Variants in COG5 observed in about 807,000 individuals in gnomAD.
COG5 encodes conserved oligomeric Golgi complex subunit 5.
COG5 carries 86 observed loss-of-function variants against 110.4 expected under a neutral mutation model. The observed-to-expected ratio is 0.78, with a 90% CI of 0.65 to 0.93. The LOEUF is 0.93. COG5 is among the 40% of genes least tolerant of loss of function. The pLI, the probability that COG5 is intolerant of heterozygous loss-of-function variation, is 0.00. For synonymous variants in COG5, 360 were observed against 334.6 expected (o/e 1.08, Z -0.83); for missense variants, 1,077 against 987.0 (o/e 1.09, Z -1.22).
intron 6 of COG5, among the ~76,000 whole-genome samples, chr7:107,524,029 A>G (rs540258854): frequency 6.6e-6 from 1 of 152,324 alleles, no homozygotes; most frequent in Non-Finnish European, 1.5e-5. Context: ...ATTAGGAACA[A>G]CCCAACTGTC....
chr7:107,339,268 C>T (rs567580777), intron 10 of COG5, among the ~76,000 whole-genome samples: 81 of 151,988 alleles, frequency 5.3e-4, no homozygotes, highest in Admixed American at 4.7e-3. Context: ...CAGTAAAAAA[C>T]GATAAAGAAA....
intron 11 of COG5, among the ~76,000 whole-genome samples, chr7:107,300,161 T>G (rs542262191): frequency 1.3e-5 from 2 of 151,986 alleles, no homozygotes; most frequent in African/African-American, 4.8e-5. Flanking sequence ...CTCAGTCAAC[T>G]AGGAACAGAA....
Position 107,437,118 on chromosome 7 carries a change from G to A in COG5, c.539-24486C>T, listed in dbSNP as rs1009972833. On this transcript the variant is annotated intron_variant, in intron 6 of 21. Transcript: ENST00000297135. ...CTCAGTTTATTCATTCATTAAATTG[G>A]GATCTCCTCTCTGAATTAGTATGAG... is the stretch of plus-strand genomic sequence containing the variant. Among the ~76,000 whole-genome samples, 9 of 151,990 alleles carry A rather than the reference G, an allele frequency of 5.9e-5. No individual in the cohort carries two copies. In the East Asian group the frequency reaches 9.6e-4, roughly 16 times the overall value.
At chr7:107,331,439 G>C (rs1810233880) in intron 10 of COG5, among the ~76,000 whole-genome samples, 1 of 152,052 alleles carries the variant, frequency 6.6e-6, no homozygotes, top group African/African-American at 2.4e-5. Context: ...CTGCACTCCA[G>C]ACTGGGCGAC....
At chr7:107,219,202 G>A (rs1028807934) in intron 19 of COG5, among the ~76,000 whole-genome samples, 3 of 152,136 alleles carry the variant, frequency 2.0e-5, no homozygotes, top group African/African-American at 7.2e-5. Context: ...TGTGGTGAGA[G>A]TGTGGGGGAA....
At chr7:107,288,907 G>GATATATATATATATATATATATATATAT in intron 12 of COG5, among the ~76,000 whole-genome samples, 1 of 94,152 alleles carries the variant, frequency 1.1e-5, no homozygotes, top group South Asian at 4.6e-4. Flanking sequence ...TTCTAACAGA[G>GATATATATATATATATATATATATATAT]ATATATATAT....
chr7:107,474,438 T>C lies in COG5; in HGVS notation c.538+52799A>G, dbSNP rs1253511302. The C allele has an allele frequency of 1.9e-6, 3 of 1,613,384 alleles. No individual in the cohort carries two copies. Among genetic ancestry groups the C allele is most frequent in the Non-Finnish European group, 2.5e-6 (3 of 1,179,534 alleles). On this transcript the variant is annotated intron_variant, in intron 6 of 21. Coordinates refer to ENST00000297135, the MANE Select transcript of COG5 (RefSeq NM_006348.5). This position sits in a 1 kb window ranked among gnomAD's most constrained non-coding sequence, Gnocchi z 5.7. ...ATGAGGCTTGTGTATCTTTTGCAAG[T>C]GTCTCAACAGCAATCAACGTTTTTG...
intron 6 of COG5, among the ~76,000 whole-genome samples, chr7:107,416,238 AC>A (rs1315288618): frequency 6.6e-6 from 1 of 151,982 alleles, no homozygotes; most frequent in East Asian, 1.9e-4. Flanking sequence ...AGCTGAAAAT[AC>A]AAATAACCAT....
In COG5 at chr7:107,258,453, CACACACACAT is replaced by C. The variant is rs1803059441; in HGVS notation, c.1576-80_1576-71del. The C allele has an allele frequency of 1.1e-5, 9 of 856,042 alleles. No homozygotes were observed. In the South Asian group the frequency reaches 1.2e-4, roughly 11 times the overall value. 53.0% of individuals were successfully genotyped at this position (856,042 alleles called of 1,614,324 possible). A position where few individuals can be genotyped will look rare whatever the true frequency, so the allele number is the denominator to read the frequency against. On this transcript the variant is annotated intron_variant, in intron 14 of 21. Coordinates refer to ENST00000297135, the MANE Select transcript of COG5 (RefSeq NM_006348.5). ...TCTCTCTCTCTCTCTCTCTCTCTCA[CACACACACAT>C]ACACACACACACACACATTCTTTAA...
intron 6 of COG5, among the ~76,000 whole-genome samples, chr7:107,510,838 G>A (rs1222830438): frequency 6.6e-6 from 1 of 152,174 alleles, no homozygotes; most frequent in Non-Finnish European, 1.5e-5. Flanking sequence ...GATGTTCTCT[G>A]AAACCAACGG....
chr7:107,229,917 C>T (rs1287999115), intron 19 of COG5, among the ~76,000 whole-genome samples: 2 of 139,204 alleles, frequency 1.4e-5, no homozygotes, highest in Non-Finnish European at 3.0e-5. Flanking sequence ...CTGGCGTGAT[C>T]TCGGCTCACT....
At chr7:107,399,693 T>C (rs1013196944) in intron 7 of COG5, among the ~76,000 whole-genome samples, 3 of 152,202 alleles carry the variant, frequency 2.0e-5, no homozygotes, top group African/African-American at 7.2e-5. Flanking sequence ...CAATTTACAA[T>C]GCAAAATTTG....
chr7:107,541,578 T>C (rs1220967583), intron 5 of COG5, among the ~76,000 whole-genome samples: 1 of 140,512 alleles, frequency 7.1e-6, no homozygotes, highest in African/African-American at 2.7e-5. Flanking sequence ...ATAAATGAAA[T>C]TGAAATATAA....
intron 10 of COG5, among the ~76,000 whole-genome samples, chr7:107,352,516 A>C (rs983208077): frequency 7.4e-6 from 1 of 135,258 alleles, no homozygotes; most frequent in African/African-American, 2.8e-5. Flanking sequence ...AAAAAAAAAC[A>C]AAAAAAAAAC....
chr7:107,412,633 CTGTTTAAA>C lies in COG5; in HGVS notation c.539-9_539-2del. On this transcript the variant is annotated splice_acceptor_variant and splice_polypyrimidine_tract_variant and intron_variant, in intron 6 of 21. Transcript: ENST00000297135. LOFTEE classifies it high-confidence loss of function. ...AGATCTATTCCTTGAGAAAGATAATCTGTTTAAAACAAAAACATACACATTCAAATATT... is the reference window on the plus strand; with the variant it reads ...AGATCTATTCCTTGAGAAAGATAATCACAAAAACATACACATTCAAATATT... 1 of 1,492,392 alleles carries C rather than the reference CTGTTTAAA, an allele frequency of 6.7e-7. No individual in the cohort carries two copies. The highest frequency in any genetic ancestry group is 9.3e-7 in the Non-Finnish European group (1 of 1,074,396). The allele number at this position is 1,492,392 out of a possible 1,614,324, so 92.4% of individuals were successfully genotyped here.
intron 6 of COG5, among the ~76,000 whole-genome samples, chr7:107,448,546 AG>A: frequency 6.6e-6 from 1 of 152,252 alleles, no homozygotes; most frequent in African/African-American, 2.4e-5. Context: ...AGAATTCCTC[AG>A]GATATCTGTC....
intron 6 of COG5, chr7:107,470,421 A>G (rs1047293651): frequency 3.3e-5 from 5 of 152,190 alleles, no homozygotes; most frequent in Non-Finnish European, 5.9e-5. Flanking sequence ...AACTACATCA[A>G]GAATTTATCA....
intron 6 of COG5, among the ~76,000 whole-genome samples, chr7:107,499,613 G>C (rs1316840667): frequency 6.6e-6 from 1 of 151,924 alleles, no homozygotes; most frequent in African/African-American, 2.4e-5. Context: ...CACCATGTTG[G>C]CCCAGCTGGT....
chr7:107,403,143 G>A (rs1791560779), intron 7 of COG5, among the ~76,000 whole-genome samples: 1 of 152,096 alleles, frequency 6.6e-6, no homozygotes, highest in African/African-American at 2.4e-5. Context: ...ATTTTGGTTT[G>A]GAAAGGAATG....
Sources: gnomAD v4.1 joint callset for allele counts (sites outside exome capture counted in the v4.1 genomes callset) on GRCh38, gnomAD v4.1.1 for gene constraint, Gnocchi (gnomAD v3.1) non-coding constraint, MANE v1.5 for transcripts, NCBI Gene and HGNC (gene_info 2026-07-23, HGNC 2026-07-21) for gene names.